The following ZFYVE21 variants were observed in gnomAD, a reference collection of about 807,000 sequenced individuals.
ZFYVE21 encodes zinc finger FYVE-type containing 21, also known as zinc finger FYVE domain-containing protein 21.
ZFYVE21 carries 21 observed loss-of-function variants against 29.5 expected under a neutral mutation model. The observed-to-expected ratio is 0.71, with a 90% CI of 0.50 to 1.02. ZFYVE21 has a LOEUF of 1.02. Among genes scored for constraint, ZFYVE21 ranks in the 50% least tolerant of loss-of-function variants. ZFYVE21 has a pLI of 0.00. For missense variants in ZFYVE21, 326 were observed against 335.4 expected, an observed-to-expected ratio of 0.97 and a Z score of 0.22; for synonymous variants, 151 against 133.8, an observed-to-expected ratio of 1.13 and a Z score of -0.89.
chr14:103,717,381 A>G (rs1305183340), intron 1 of ZFYVE21, among the ~76,000 whole-genome samples: 3 of 152,242 alleles, frequency 2.0e-5, no homozygotes, highest in Non-Finnish European at 4.4e-5. Flanking sequence ...TATGAACCGT[A>G]AGGAGCACGT....
At position 103,726,951 on chromosome 14, in the gene ZFYVE21, T is replaced by TTTTTTTTG; in HGVS notation, c.189+116_189+117insGTTTTTTT. 1.4e-5 allele frequency: 17 copies of TTTTTTTTG among 1,180,114 alleles called. 1 individual carries two copies. The highest frequency in any genetic ancestry group is 4.7e-5 in the Admixed American group (2 of 42,116). 73.1% of individuals were successfully genotyped at this position (1,180,114 alleles called of 1,614,324 possible). A position where few individuals can be genotyped will look rare whatever the true frequency, so the allele number is the denominator to read the frequency against. ...GACGGATGTCATCTTATGGCTCGTTTTTTTTTTTTTTGAGACGGAGTTTCG... is the reference window on the plus strand; with the variant it reads ...GACGGATGTCATCTTATGGCTCGTTTTTTTTTTGTTTTTTTTTTTGAGACGGAGTTTCG... On this transcript the variant is annotated intron_variant, in intron 2 of 6. Coordinates refer to ENST00000311141, the MANE Select transcript of ZFYVE21 (RefSeq NM_024071.4).
At chr14:103,723,660 C>T (rs748122907) in intron 1 of ZFYVE21, among the ~76,000 whole-genome samples, 5 of 152,196 alleles carry the variant, frequency 3.3e-5, no homozygotes, top group African/African-American at 4.8e-5. Flanking sequence ...CCCTGATGTG[C>T]GCCACAACCG....
chr14:103,715,827 G>C lies in ZFYVE21; in HGVS notation c.-15G>C, dbSNP rs955549473. 1.4e-6 allele frequency: 2 copies of C among 1,384,632 alleles called. No homozygotes were observed. Among genetic ancestry groups the C allele is most frequent in the Non-Finnish European group, 1.9e-6 (2 of 1,061,668 alleles). 85.8% of individuals were successfully genotyped at this position (1,384,632 alleles called of 1,614,324 possible). On this transcript the variant is annotated 5_prime_UTR_variant, in exon 1 of 7. Coordinates refer to ENST00000311141, the MANE Select transcript of ZFYVE21 (RefSeq NM_024071.4). ...CCGGGTGCGGGGCCGCTGGCCGAGA[G>C]GCTGAGGCGGCGTCATGTCCTCCGA...
At chr14:103,727,958 G>A (rs754256323) in intron 3 of ZFYVE21, 44 bp downstream of exon 3, 6 of 1,562,392 alleles carry the variant, frequency 3.8e-6, no homozygotes, top group Non-Finnish European at 4.4e-6. Context: ...TCCGCCAGCC[G>A]GCTCCTCGTG....
chr14:103,729,619 T>A (rs2083957129), intron 5 of ZFYVE21: 1 of 788,290 alleles, frequency 1.3e-6, no homozygotes, highest in African/African-American at 1.7e-5. Flanking sequence ...CCTGGTGAGC[T>A]TTGGCCCATC....
intron 5 of ZFYVE21, chr14:103,729,732 G>T (rs377530065): frequency 6.5e-7 from 1 of 1,529,246 alleles, no homozygotes; most frequent in Non-Finnish European, 8.8e-7. Flanking sequence ...CTTTCCTTCC[G>T]TTCTCTCACC....
rs1200202722 is a variant in ZFYVE21 at position 103,732,731 on chromosome 14, A to G, written c.638A>G (p.Gln213Arg). 1 of 1,613,226 alleles carries G rather than the reference A, an allele frequency of 6.2e-7. No homozygotes were observed. Among genetic ancestry groups the G allele is most frequent in the Admixed American group, 1.7e-5 (1 of 59,708 alleles). The part of the protein sequence containing the change: ...VVEDVTVGRR[Q>R]AVAWLVAMHK... ...GAGGACGTGACTGTGGGCAGGAGGCAGGCGGTGGCGTGGCTAGTGGCCATG... is the reference window on the plus strand; with the variant it reads ...GAGGACGTGACTGTGGGCAGGAGGCGGGCGGTGGCGTGGCTAGTGGCCATG... The change falls in exon 6 of 7, where the codon CAG becomes CGG. Residue 213 changes from glutamine to arginine, a missense_variant. Gln to Arg is a conservative substitution (Grantham distance 43, BLOSUM62 1). Coordinates refer to ENST00000311141, the MANE Select transcript of ZFYVE21 (RefSeq NM_024071.4).
Position 103,733,261 on chromosome 14 carries a change from G to A in ZFYVE21, c.*243G>A, listed in dbSNP as rs2084004259. 2 of 531,406 alleles carry A rather than the reference G, an allele frequency of 3.8e-6. No individual in the cohort carries two copies. Among genetic ancestry groups the A allele is most frequent in the Middle Eastern group, 4.8e-4 (1 of 2,084 alleles). 32.9% of individuals were successfully genotyped at this position (531,406 alleles called of 1,614,324 possible). On this transcript the variant is annotated 3_prime_UTR_variant, in exon 7 of 7. Coordinates refer to ENST00000311141, the MANE Select transcript of ZFYVE21 (RefSeq NM_024071.4). Reference sequence around the variant, plus strand: ...TATTGTCAATACTTAATTGGGGGTGGGAGAGACTGAGCTACACTACTGCTA... The same window carrying A: ...TATTGTCAATACTTAATTGGGGGTGAGAGAGACTGAGCTACACTACTGCTA...
chr14:103,727,307 C>G (rs1050135469), intron 2 of ZFYVE21: 3 of 365,734 alleles, frequency 8.2e-6, no homozygotes, highest in Admixed American at 3.8e-5. Context: ...TGTGCTGATT[C>G]TGCCGGACGC....
intron 1 of ZFYVE21, among the ~76,000 whole-genome samples, chr14:103,719,454 C>CAA (rs61173072): frequency 0.012 from 657 of 56,848 alleles, 6 homozygotes; most frequent in Non-Finnish European, 0.018. Flanking sequence ...GACTCTGTCT[C>CAA]AAAAAAAAAA....
chr14:103,723,124 C>T (rs537597085), intron 1 of ZFYVE21, among the ~76,000 whole-genome samples: 1 of 152,334 alleles, frequency 6.6e-6, no homozygotes, highest in African/African-American at 2.4e-5. Flanking sequence ...TAGTTACTCT[C>T]ACTGGAACCT....
In ZFYVE21 at chr14:103,716,511, C is replaced by T. The variant is rs532932754; in HGVS notation, c.138+532C>T. 1.4e-3 allele frequency among the ~76,000 whole-genome samples: 206 copies of T among 152,330 alleles called. No individual in the cohort carries two copies. Among genetic ancestry groups the T allele is most frequent in the African/African-American group, 4.9e-3 (205 of 41,590 alleles). On this transcript the variant is annotated intron_variant, in intron 1 of 6. Transcript: ENST00000311141. The surrounding 1 kb of genome is among the most constrained non-coding windows in gnomAD (Gnocchi z 4.8). ...GCGGGCGGGTGGCCGGTTCCGAAGC[C>T]ACCTCCTGCTCGGAAGGAGGGCCAG...
chr14:103,721,074 C>A (rs1272067825), intron 1 of ZFYVE21, among the ~76,000 whole-genome samples: 1 of 152,178 alleles, frequency 6.6e-6, no homozygotes, highest in East Asian at 1.9e-4. Flanking sequence ...AGTCCACCCA[C>A]CTCAGCCTCC....
In ZFYVE21 at chr14:103,726,948, G is replaced by GTTTTTTTTTTTGTT. The variant is rs1555430535; in HGVS notation, c.189+117_189+118insGTTTTTTTTTTTTT. The GTTTTTTTTTTTGTT allele has an allele frequency of 4.1e-3, 2,711 of 657,282 alleles. 33 individuals carry two copies. The highest frequency in any genetic ancestry group is 0.02 in the African/African-American group (484 of 24,308). 40.7% of individuals were successfully genotyped at this position (657,282 alleles called of 1,614,324 possible). A position where few individuals can be genotyped will look rare whatever the true frequency, so the allele number is the denominator to read the frequency against. ...GGGGACGGATGTCATCTTATGGCTCGTTTTTTTTTTTTTTGAGACGGAGTT... is the reference window on the plus strand; with the variant it reads ...GGGGACGGATGTCATCTTATGGCTCGTTTTTTTTTTTGTTTTTTTTTTTTTTTTGAGACGGAGTT... On this transcript the variant is annotated intron_variant, in intron 2 of 6. Coordinates refer to ENST00000311141, the MANE Select transcript of ZFYVE21 (RefSeq NM_024071.4).
At chr14:103,730,697 C>G (rs1746571700) in intron 5 of ZFYVE21, 1 of 152,690 alleles carries the variant, frequency 6.5e-6, no homozygotes, top group Admixed American at 6.5e-5. Context: ...GGAACAGTCC[C>G]CTGACCTGAA....
At chr14:103,726,902 C>T (rs2083930429) in intron 2 of ZFYVE21, 60 bp downstream of exon 2, 2 of 1,576,012 alleles carry the variant, frequency 1.3e-6, no homozygotes, top group Non-Finnish European at 8.7e-7. Context: ...AACAGGACAG[C>T]TGCCGCTGCC....
chr14:103,719,454 CAAAAA>C (rs61173072), intron 1 of ZFYVE21, among the ~76,000 whole-genome samples: 1 of 56,864 alleles, frequency 1.8e-5, no homozygotes. Context: ...GACTCTGTCT[CAAAAA>C]AAAAAAAAAA....
At chr14:103,719,684 C>T (rs1000230400) in intron 1 of ZFYVE21, among the ~76,000 whole-genome samples, 1 of 151,936 alleles carries the variant, frequency 6.6e-6, no homozygotes, top group African/African-American at 2.4e-5. Flanking sequence ...TCCAGGATCT[C>T]AGCGCTTGGG....
intron 1 of ZFYVE21, among the ~76,000 whole-genome samples, chr14:103,719,228 AGATC>A (rs2083852944): frequency 6.6e-6 from 1 of 152,190 alleles, no homozygotes; most frequent in Non-Finnish European, 1.5e-5. Flanking sequence ...CAGTGAGCTG[AGATC>A]GTGCAGCTGC....
Sources: gnomAD v4.1 joint callset for allele counts (sites outside exome capture counted in the v4.1 genomes callset) on GRCh38, gnomAD v4.1.1 for gene constraint, Gnocchi (gnomAD v3.1) non-coding constraint, MANE v1.5 for transcripts, NCBI Gene and HGNC (gene_info 2026-07-23, HGNC 2026-07-21) for gene names.